The following NLGN1 variants were observed in gnomAD, a reference collection of about 807,000 sequenced individuals.
NLGN1 encodes the protein neuroligin 1.
Under a neutral mutation model 65.5 loss-of-function variants are expected in NLGN1, and 12 were observed. The observed-to-expected ratio is 0.18, with a 90% CI of 0.12 to 0.30. The LOEUF (loss-of-function observed/expected upper bound fraction) is 0.30. Ranked by LOEUF, NLGN1 falls within the 10% of genes least tolerant of loss-of-function variation. The pLI, the probability that NLGN1 is intolerant of heterozygous loss-of-function variation, is 1.00. For synonymous variants in NLGN1, 350 were observed against 359.5 expected, an observed-to-expected ratio of 0.97 and a Z score of 0.30; for missense variants, 750 against 1,007.1, an observed-to-expected ratio of 0.74 and a Z score of 3.46.
intron 3 of NLGN1, among the ~76,000 whole-genome samples, chr3:173,692,130 A>C (rs1011514530): frequency 1.3e-5 from 2 of 152,126 alleles, no homozygotes; most frequent in Non-Finnish European, 2.9e-5. Flanking sequence ...GCATCATTAT[A>C]ATTCTCTTTT....
At chr3:173,601,548 G>A (rs1028215362) in intron 2 of NLGN1, among the ~76,000 whole-genome samples, 1 of 151,888 alleles carries the variant, frequency 6.6e-6, no homozygotes, top group Non-Finnish European at 1.5e-5. Flanking sequence ...CAAAAATTTT[G>A]AGATTTATAT....
intron 2 of NLGN1, among the ~76,000 whole-genome samples, chr3:173,446,052 CT>C (rs1260271852): frequency 6.7e-6 from 1 of 150,154 alleles, no homozygotes; most frequent in Admixed American, 6.6e-5. Context: ...TTTTTCTTTT[CT>C]TTTTTTCTTT....
chr3:173,617,826 C>T (rs1753355870), intron 3 of NLGN1, among the ~76,000 whole-genome samples: 2 of 152,180 alleles, frequency 1.3e-5, no homozygotes, highest in Non-Finnish European at 2.9e-5. Flanking sequence ...CTTTAGTAGA[C>T]ACAAGCTTCA....
chr3:174,238,128 A>C (rs1003440610), intron 4 of NLGN1, among the ~76,000 whole-genome samples: 4 of 151,624 alleles, frequency 2.6e-5, no homozygotes, highest in Non-Finnish European at 2.9e-5. Context: ...TCACCTCTAT[A>C]CTCATTTGTT....
chr3:174,050,565 T>C (rs1234364993), intron 4 of NLGN1, among the ~76,000 whole-genome samples: 1 of 152,090 alleles, frequency 6.6e-6, no homozygotes, highest in Admixed American at 6.6e-5. Context: ...TCGCTTAGCA[T>C]AAACTAAGTT....
intron 3 of NLGN1, among the ~76,000 whole-genome samples, chr3:173,683,113 A>G (rs1764198015): frequency 6.6e-6 from 1 of 152,132 alleles, no homozygotes; most frequent in Non-Finnish European, 1.5e-5. Flanking sequence ...TCTTTCTCCC[A>G]TTTAGTATTA....
At chr3:173,856,466 G>A (rs1254720418) in intron 4 of NLGN1, among the ~76,000 whole-genome samples, 1 of 152,024 alleles carries the variant, frequency 6.6e-6, no homozygotes, top group Non-Finnish European at 1.5e-5. Context: ...GTCTCTCCCA[G>A]GTAAAAACTG....
chr3:174,181,784 C>CAA (rs1400992795), intron 4 of NLGN1, among the ~76,000 whole-genome samples: 1 of 145,996 alleles, frequency 6.8e-6, no homozygotes, highest in African/African-American at 2.7e-5. Context: ...AAAATACACA[C>CAA]ACACACACAC....
rs552011007 is a variant in NLGN1 at position 173,455,201 on chromosome 3, C to A, written c.-321+20123C>A. ...ATAAAGAAGGGAGGTTTATTTTGGC[C>A]TGTGAACCTCAGGAATCTGACAATC... is the stretch of plus-strand genomic sequence containing the variant. On this transcript the variant is annotated intron_variant, in intron 2 of 6. Coordinates refer to ENST00000457714, the Ensembl canonical transcript of NLGN1. Among the ~76,000 whole-genome samples the A allele has an allele frequency of 4.9e-4, 75 of 152,234 alleles. 1 individual carries two copies. The highest frequency in any genetic ancestry group is 4.8e-3 in the Admixed American group (73 of 15,290).
At chr3:173,575,804 C>T (rs1745416702) in intron 2 of NLGN1, among the ~76,000 whole-genome samples, 1 of 151,884 alleles carries the variant, frequency 6.6e-6, no homozygotes, top group Non-Finnish European at 1.5e-5. Context: ...AAATATAATT[C>T]TCAAATACAA....
At chr3:173,781,701 AT>A (rs1781189182) in intron 3 of NLGN1, among the ~76,000 whole-genome samples, 2 of 152,186 alleles carry the variant, frequency 1.3e-5, no homozygotes, top group Non-Finnish European at 2.9e-5. Context: ...CAGTAATTGG[AT>A]TTGTAGGACA....
exon 7 of NLGN1, chr3:174,284,258 T>C (rs925550564): frequency 9.9e-5 from 15 of 151,354 alleles, no homozygotes; most frequent in African/African-American, 3.4e-4. Flanking sequence ...AGTTTTATAA[T>C]TGCAGTCTCT....
At chr3:173,467,167 A>C (rs1231112760) in intron 2 of NLGN1, among the ~76,000 whole-genome samples, 1 of 152,106 alleles carries the variant, frequency 6.6e-6, no homozygotes, top group African/African-American at 2.4e-5. Context: ...AATCAAATAT[A>C]TGTTACATGA....
At chr3:173,533,648 C>A (rs1736965736) in intron 2 of NLGN1, among the ~76,000 whole-genome samples, 1 of 152,046 alleles carries the variant, frequency 6.6e-6, no homozygotes, top group South Asian at 2.1e-4. Flanking sequence ...CAAAAAATAT[C>A]CTTAAGATAC....
chr3:173,466,936 A>C (rs1390188956), intron 2 of NLGN1, among the ~76,000 whole-genome samples: 1 of 152,168 alleles, frequency 6.6e-6, no homozygotes, highest in African/African-American at 2.4e-5. Flanking sequence ...CCTTTCAAAA[A>C]TGGATTCAAA....
At chr3:173,500,522 G>GGT (rs1560345936) in intron 2 of NLGN1, among the ~76,000 whole-genome samples, 18 of 151,560 alleles carry the variant, frequency 1.2e-4, no homozygotes, top group African/African-American at 4.4e-4. Context: ...TCTTTTTTTT[G>GGT]TGTGTCTGTG....
At chr3:173,876,700 A>G (rs573397813) in intron 4 of NLGN1, among the ~76,000 whole-genome samples, 1 of 152,320 alleles carries the variant, frequency 6.6e-6, no homozygotes, top group African/African-American at 2.4e-5. Context: ...CTAATGGGAA[A>G]GAGCTCCCAG....
At chr3:174,255,435 CAAAAAAAAAAAA>C (rs71162383) in intron 4 of NLGN1, among the ~76,000 whole-genome samples, 1 of 70,220 alleles carries the variant, frequency 1.4e-5, no homozygotes, top group Non-Finnish European at 2.3e-5. Flanking sequence ...GACTCTGTCT[CAAAAAAAAAAAA>C]AAAAAAAAAG....
chr3:174,200,938 G>A (rs1734334037), intron 4 of NLGN1, among the ~76,000 whole-genome samples: 1 of 152,120 alleles, frequency 6.6e-6, no homozygotes, highest in Non-Finnish European at 1.5e-5. Context: ...ATAGCCTGGG[G>A]GTAGAAATTG....
Sources: gnomAD v4.1 joint callset for allele counts (sites outside exome capture counted in the v4.1 genomes callset) on GRCh38, gnomAD v4.1.1 for gene constraint, MANE v1.5 for transcripts, NCBI Gene and HGNC (gene_info 2026-07-23, HGNC 2026-07-21) for gene names.